Variants in ATP13A5 observed in about 807,000 individuals in gnomAD.
ATP13A5 encodes the protein ATPase 13A5.
Under a neutral mutation model 150.2 loss-of-function variants are expected in ATP13A5, and 149 were observed. That is an observed-to-expected ratio of 0.99 (90% CI 0.87 to 1.14). ATP13A5 has a LOEUF of 1.14. Ranked by LOEUF, ATP13A5 falls within the 50% of genes most tolerant of loss-of-function variation. ATP13A5 has a pLI of 0.00. For synonymous variants in ATP13A5, 497 were observed against 522.2 expected (o/e 0.95, Z 0.66); for missense variants, 1,383 against 1,449.3 (o/e 0.95, Z 0.74).
chr3:193,291,429 C>G (rs1185875818), intron 25 of ATP13A5, among the ~76,000 whole-genome samples: 1 of 152,032 alleles, frequency 6.6e-6, no homozygotes, highest in Admixed American at 6.6e-5. Context: ...GAAATGCCCT[C>G]AGTGATAGGA....
chr3:193,332,983 C>T (rs888233088), intron 11 of ATP13A5, among the ~76,000 whole-genome samples: 1 of 152,252 alleles, frequency 6.6e-6, no homozygotes, highest in African/African-American at 2.4e-5. Flanking sequence ...TCTTCACAGG[C>T]CCCATCGTGG....
chr3:193,350,359 A>G (rs1712518049), intron 7 of ATP13A5, among the ~76,000 whole-genome samples: 1 of 152,158 alleles, frequency 6.6e-6, no homozygotes, highest in Non-Finnish European at 1.5e-5. Context: ...CAGAATGCAT[A>G]ACAATCATTA....
chr3:193,285,097 G>T lies in ATP13A5; in HGVS notation c.3043C>A (p.Gln1015Lys). 6.2e-7 allele frequency: 1 copy of T among 1,613,534 alleles called. No homozygotes were observed. Among genetic ancestry groups the T allele is most frequent in the Non-Finnish European group, 8.5e-7 (1 of 1,179,840 alleles). Residue 1015 changes from glutamine to lysine, a missense_variant, in exon 27 of 30, where the codon CAA becomes AAA. Physicochemically the swap from Gln to Lys is moderately conservative, Grantham distance 53. This residue lies in a region of ATP13A5 where 568 missense variants were observed against 621.5 expected (regional missense o/e 0.91). Coordinates refer to ENST00000342358, the MANE Select transcript of ATP13A5 (RefSeq NM_198505.4). ...YQYSECFLAN[Q>K]SNFSTNVSLE... ...CTCACATTTGTTGAAAAATTACTTT[G>T]GTTGGCCAGAAAACACTCACTACAA... is the stretch of plus-strand genomic sequence containing the variant.
chr3:193,299,515 G>A (rs1048268455), intron 24 of ATP13A5, among the ~76,000 whole-genome samples: 35 of 152,156 alleles, frequency 2.3e-4, no homozygotes, highest in African/African-American at 8.0e-4. Context: ...AACATAAGAT[G>A]TTAAAGCCTG....
chr3:193,279,375 ACG>A lies in ATP13A5; in HGVS notation c.3304_3305del (p.Arg1102TrpfsTer38). On this transcript the variant is annotated frameshift_variant, in exon 28 of 30. Transcript: ENST00000342358. LOFTEE classifies it high-confidence loss of function. ...ILFSDFQVIYRGMELIPTITS... is the reference protein window; with the variant it reads ...ILFSDFQVIYXGMELIPTITS... ...AATGAATGCCACTTACCTCCATTCCACGGTATATAACTTGAAAGTCAGAAAAC... is the reference window on the plus strand; with the variant it reads ...AATGAATGCCACTTACCTCCATTCCAGTATATAACTTGAAAGTCAGAAAAC... 2 of 1,613,412 alleles carry A rather than the reference ACG, an allele frequency of 1.2e-6. No individual in the cohort carries two copies. The highest frequency in any genetic ancestry group is 1.3e-5 in the African/African-American group (1 of 75,032).
chr3:193,334,920 T>C lies in ATP13A5; in HGVS notation c.1114+9A>G, dbSNP rs1290030253. 6 of 1,598,918 alleles carry C rather than the reference T, an allele frequency of 3.8e-6. No homozygotes were observed. In the East Asian group the frequency reaches 1.1e-4, roughly 30 times the overall value. On this transcript the variant is annotated intron_variant, in intron 10 of 29. Transcript: ENST00000342358. ...ATGAATTAAACTTACAAAAGTGGAATCCACTAACCTGTTTGCAAAACGACT... is the reference window on the plus strand; with the variant it reads ...ATGAATTAAACTTACAAAAGTGGAACCCACTAACCTGTTTGCAAAACGACT...
At chr3:193,312,389 T>G (rs1360539525) in intron 19 of ATP13A5, among the ~76,000 whole-genome samples, 1 of 152,222 alleles carries the variant, frequency 6.6e-6, no homozygotes, top group Non-Finnish European at 1.5e-5. Flanking sequence ...GCCTAACTCC[T>G]TTTAGGCCCC....
intron 2 of ATP13A5, 120 bp from the exon 3 acceptor site, chr3:193,363,502 C>T (rs1203006142): frequency 1.1e-6 from 1 of 892,964 alleles, no homozygotes; most frequent in African/African-American, 1.7e-5. Flanking sequence ...AGCTTTATCT[C>T]AGAACTTAGT....
chr3:193,280,053 A>G (rs1279376910), intron 27 of ATP13A5, among the ~76,000 whole-genome samples: 1 of 140,306 alleles, frequency 7.1e-6, no homozygotes, highest in East Asian at 2.3e-4. Flanking sequence ...GCATGCTCCA[A>G]TTTTTCTTTC....
chr3:193,292,028 G>A (rs1038236016), intron 25 of ATP13A5, among the ~76,000 whole-genome samples: 4 of 152,002 alleles, frequency 2.6e-5, no homozygotes, highest in Admixed American at 6.6e-5. Flanking sequence ...AGGTGGTATC[G>A]AGAGCCCCAC....
chr3:193,330,543 G>A (rs1711590786), intron 12 of ATP13A5, among the ~76,000 whole-genome samples: 1 of 152,246 alleles, frequency 6.6e-6, no homozygotes, highest in Non-Finnish European at 1.5e-5. Context: ...TTCCCCATAG[G>A]AGACTCACGT....
At chr3:193,282,923 A>AT (rs140299008) in intron 27 of ATP13A5, among the ~76,000 whole-genome samples, 2 of 152,210 alleles carry the variant, frequency 1.3e-5, no homozygotes, top group African/African-American at 2.4e-5. Context: ...AAATAAATAC[A>AT]TTTTTTAAAA....
At chr3:193,363,869 C>T (rs1198675425) in intron 2 of ATP13A5, among the ~76,000 whole-genome samples, 2 of 152,078 alleles carry the variant, frequency 1.3e-5, no homozygotes, top group Non-Finnish European at 2.9e-5. Flanking sequence ...CTGATGGGGT[C>T]GAAATTTCCC....
At chr3:193,302,204 G>A (rs577665549) in intron 23 of ATP13A5, among the ~76,000 whole-genome samples, 1 of 152,196 alleles carries the variant, frequency 6.6e-6, no homozygotes, top group Non-Finnish European at 1.5e-5. Context: ...ACAGAACAGG[G>A]ACATGAAAAG....
rs752281390 is a variant in ATP13A5 at position 193,284,926 on chromosome 3, T to G, written c.3214A>C (p.Ile1072Leu). The stretch of plus-strand genomic sequence containing the variant: ...TTTATATACTTACAGTTTGTATAGA[T>G]GGGTTTTCGAAATGGCTTTCCCTTA... ...FSKGKPFRKP[I>L]YTNYIFSFLL... Residue 1072 changes from isoleucine to leucine, a missense_variant, in exon 27 of 30, where the codon ATC (isoleucine) becomes CTC (leucine). Ile to Leu is a conservative substitution (Grantham distance 5). Coordinates refer to ENST00000342358, the MANE Select transcript of ATP13A5 (RefSeq NM_198505.4). 6.2e-7 allele frequency: 1 copy of G among 1,613,162 alleles called. No individual in the cohort carries two copies. Among genetic ancestry groups the G allele is most frequent in the Admixed American group, 1.7e-5 (1 of 59,944 alleles).
chr3:193,362,876 C>G (rs903587208), intron 3 of ATP13A5, among the ~76,000 whole-genome samples: 1 of 151,936 alleles, frequency 6.6e-6, no homozygotes, highest in East Asian at 1.9e-4. Flanking sequence ...CTCACTGTAG[C>G]CTTGACCTCC....
intron 26 of ATP13A5, among the ~76,000 whole-genome samples, chr3:193,285,847 C>CA (rs1366407014): frequency 6.6e-6 from 1 of 152,186 alleles, no homozygotes; most frequent in East Asian, 1.9e-4. Context: ...TACTAGTGCC[C>CA]ACAAAAGTAA....
At chr3:193,310,384 C>G (rs187356311) in intron 21 of ATP13A5, among the ~76,000 whole-genome samples, 11 of 152,284 alleles carry the variant, frequency 7.2e-5, no homozygotes, top group Admixed American at 5.9e-4. Flanking sequence ...GGTATATAGC[C>G]AGCATTGGGG....
At chr3:193,334,839 CAG>C in intron 10 of ATP13A5, 88 bp downstream of exon 10, 1 of 1,201,578 alleles carries the variant, frequency 8.3e-7, no homozygotes, top group Non-Finnish European at 1.2e-6. Context: ...CAGAATGTGG[CAG>C]ACTCCATAAT....
Sources: gnomAD v4.1 joint callset for allele counts (sites outside exome capture counted in the v4.1 genomes callset) on GRCh38, gnomAD v4.1.1 for gene constraint, gnomAD v4.1.1 regional missense constraint, MANE v1.5 for transcripts, NCBI Gene and HGNC (gene_info 2026-07-23, HGNC 2026-07-21) for gene names.